SGMS1: variants seen among roughly 807,000 people sequenced by gnomAD.
SGMS1 encodes the protein sphingomyelin synthase 1.
In SGMS1, 13 loss-of-function variants were observed where a neutral mutation model predicts 46.2. That is an observed-to-expected ratio of 0.28 (90% CI 0.18 to 0.45). The LOEUF (loss-of-function observed/expected upper bound fraction) is 0.45, where lower values mean the gene tolerates loss of function less well. Ranked by LOEUF, SGMS1 falls within the 20% of genes least tolerant of loss-of-function variation. The pLI is 1.00. For synonymous variants in SGMS1, 203 were observed against 187.8 expected (o/e 1.08, Z -0.66); for missense variants, 324 against 519.9 (o/e 0.62, Z 3.66).
chr10:50,508,016 C>T (rs1345890853), intron 3 of SGMS1, among the ~76,000 whole-genome samples: 1 of 152,172 alleles, frequency 6.6e-6, no homozygotes, highest in East Asian at 1.9e-4. Flanking sequence ...TTCATGGGAT[C>T]TGCTAAAGAT....
intron 3 of SGMS1, among the ~76,000 whole-genome samples, chr10:50,477,874 T>A (rs1361586020): frequency 6.6e-6 from 1 of 152,204 alleles, no homozygotes; most frequent in Non-Finnish European, 1.5e-5. Context: ...AGCAGAAGCC[T>A]GTACATCCAA....
At chr10:50,473,444 C>G (rs1837395792) in intron 3 of SGMS1, among the ~76,000 whole-genome samples, 2 of 152,158 alleles carry the variant, frequency 1.3e-5, no homozygotes, top group African/African-American at 4.8e-5. Context: ...TTTGAAGGAA[C>G]ATTATGGCTT....
intron 7 of SGMS1, chr10:50,343,233 T>C (rs1847848346): frequency 5.9e-6 from 2 of 338,666 alleles, no homozygotes; most frequent in Admixed American, 8.9e-5. Flanking sequence ...TTCTTTCTTA[T>C]TAAGTGAAAA....
At chr10:50,333,760 T>G (rs1847665794) in intron 7 of SGMS1, among the ~76,000 whole-genome samples, 1 of 152,348 alleles carries the variant, frequency 6.6e-6, no homozygotes, top group Middle Eastern at 3.4e-3. Flanking sequence ...AGAACTCATT[T>G]AATATTCCTA....
intron 5 of SGMS1, among the ~76,000 whole-genome samples, chr10:50,434,614 C>T (rs1316027189): frequency 1.3e-5 from 2 of 151,724 alleles, no homozygotes; most frequent in South Asian, 2.1e-4. Flanking sequence ...TGGTGGCTCA[C>T]GCCTCTAATC....
intron 2 of SGMS1, among the ~76,000 whole-genome samples, chr10:50,576,474 C>T (rs1838386168): frequency 6.6e-6 from 1 of 152,198 alleles, no homozygotes; most frequent in Non-Finnish European, 1.5e-5. Context: ...TAGCCAAATT[C>T]CATAAATGCC....
At chr10:50,363,394 A>G (rs912131087) in intron 6 of SGMS1, among the ~76,000 whole-genome samples, 2 of 152,218 alleles carry the variant, frequency 1.3e-5, no homozygotes, top group South Asian at 4.1e-4. Flanking sequence ...CCTTAAAAGT[A>G]TGAGGAATTG....
intron 1 of SGMS1, among the ~76,000 whole-genome samples, chr10:50,598,007 C>G (rs1440141431): frequency 6.8e-6 from 1 of 146,826 alleles, no homozygotes; most frequent in African/African-American, 2.5e-5. Context: ...AGTGAAACTC[C>G]GTCTCAAAAA....
chr10:50,409,520 C>T (rs933549853), intron 6 of SGMS1, among the ~76,000 whole-genome samples: 1 of 152,224 alleles, frequency 6.6e-6, no homozygotes, highest in African/African-American at 2.4e-5. Context: ...ACTACTGAAA[C>T]TGTGACAGAC....
chr10:50,365,948 T>A (rs1241644092), intron 6 of SGMS1, among the ~76,000 whole-genome samples: 1 of 152,198 alleles, frequency 6.6e-6, no homozygotes, highest in Non-Finnish European at 1.5e-5. Flanking sequence ...ATATACCCAG[T>A]AATATACTGG....
chr10:50,587,307 T>C (rs1017516880), intron 2 of SGMS1, among the ~76,000 whole-genome samples: 1 of 151,942 alleles, frequency 6.6e-6, no homozygotes, highest in African/African-American at 2.4e-5. Context: ...AAAAAAAAAT[T>C]AAGGAAATAT....
At chr10:50,518,910 T>C (rs1160681267) in intron 3 of SGMS1, among the ~76,000 whole-genome samples, 1 of 152,018 alleles carries the variant, frequency 6.6e-6, no homozygotes, top group African/African-American at 2.4e-5. Flanking sequence ...AAAATGCAAA[T>C]AAAGATGACA....
intron 1 of SGMS1, among the ~76,000 whole-genome samples, chr10:50,610,356 G>A (rs568202597): frequency 1.3e-5 from 2 of 152,090 alleles, no homozygotes; most frequent in Non-Finnish European, 2.9e-5. Context: ...ATACCTTCCT[G>A]GTGAATTTAA....
At position 50,344,162 on chromosome 10, in the gene SGMS1, G is replaced by A. The variant is rs114253724; in HGVS notation, c.-48C>T. 3,571 of 1,543,040 alleles carry A rather than the reference G, an allele frequency of 2.3e-3. 75 individuals carry two copies. The African/African-American group carries it at 0.043, about 18-fold the overall frequency. On this transcript the variant is annotated 5_prime_UTR_variant, in exon 7 of 11. Coordinates refer to ENST00000361781, the MANE Select transcript of SGMS1 (RefSeq NM_147156.4). ...TCCCCAGCTCTCTCTTGGCAGGTCA[G>A]CAGTCACTGTTCCGACAGGGCAGGA...
chr10:50,363,802 T>C (rs541038783), intron 6 of SGMS1, among the ~76,000 whole-genome samples: 2 of 152,190 alleles, frequency 1.3e-5, no homozygotes, highest in Admixed American at 1.3e-4. Context: ...CAAGCTCACC[T>C]CATGCAAAGA....
chr10:50,581,416 A>G lies in SGMS1; in HGVS notation c.-589+8737T>C, dbSNP rs141725897. On this transcript the variant is annotated intron_variant, in intron 2 of 10. Coordinates refer to ENST00000361781, the MANE Select transcript of SGMS1 (RefSeq NM_147156.4). ...AGAGTTGTGGAGAATATGAAATAGG[A>G]TAACCAACAAAATAACTCAGAGTGG... Among the ~76,000 whole-genome samples, 276 of 152,336 alleles carry G rather than the reference A, an allele frequency of 1.8e-3. 1 individual carries two copies. The highest frequency in any genetic ancestry group is 6.2e-3 in the African/African-American group (258 of 41,566).
chr10:50,539,840 T>G (rs552365144), intron 2 of SGMS1, among the ~76,000 whole-genome samples: 172 of 152,186 alleles, frequency 1.1e-3, no homozygotes, highest in Non-Finnish European at 1.9e-3. Flanking sequence ...ATCAACTTAA[T>G]TATGAAAGAA....
intron 2 of SGMS1, among the ~76,000 whole-genome samples, chr10:50,576,639 T>C (rs952505277): frequency 6.6e-6 from 1 of 152,220 alleles, no homozygotes; most frequent in Non-Finnish European, 1.5e-5. Flanking sequence ...CAATCTCAAA[T>C]GACTAATGAC....
intron 3 of SGMS1, among the ~76,000 whole-genome samples, chr10:50,473,749 G>T (rs1837397626): frequency 6.6e-6 from 1 of 152,164 alleles, no homozygotes; most frequent in South Asian, 2.1e-4. Context: ...ATTTCTGGGG[G>T]ACTCTGCCAT....
Sources: allele counts gnomAD v4.1 joint callset (sites outside exome capture counted in the v4.1 genomes callset), GRCh38; gene constraint gnomAD v4.1.1; transcripts MANE v1.5; gene names NCBI Gene and HGNC (gene_info 2026-07-23, HGNC 2026-07-21).